Variants in DSCAM observed in about 807,000 individuals in gnomAD.
DSCAM encodes cell adhesion molecule DSCAM.
Under a neutral mutation model 217.7 loss-of-function variants are expected in DSCAM, and 47 were observed. The ratio of observed to expected loss-of-function variants is 0.22; its 90% confidence interval spans 0.17 to 0.28. The LOEUF (loss-of-function observed/expected upper bound fraction) is 0.28, where lower values mean the gene tolerates loss of function less well. DSCAM is among the 10% of genes least tolerant of loss of function. DSCAM has a pLI of 1.00. For synonymous variants in DSCAM, 1,056 were observed against 1,015.3 expected (o/e 1.04, Z -0.76); for missense variants, 2,080 against 2,618.3 (o/e 0.79, Z 4.49).
intron 19 of DSCAM, among the ~76,000 whole-genome samples, chr21:40,130,334 C>G (rs554405364): frequency 2.6e-5 from 4 of 152,248 alleles, no homozygotes; most frequent in South Asian, 2.1e-4. Context: ...GCCAGATCAC[C>G]AAGTCGTCCT....
chr21:40,340,493 A>C (rs2123596889), intron 6 of DSCAM, among the ~76,000 whole-genome samples: 1 of 152,368 alleles, frequency 6.6e-6, no homozygotes, highest in Admixed American at 6.5e-5. Context: ...TAGGTCAGCC[A>C]GCCTCAGGCA....
chr21:40,367,144 C>G (rs2074841884), intron 4 of DSCAM, among the ~76,000 whole-genome samples: 1 of 152,192 alleles, frequency 6.6e-6, no homozygotes, highest in Non-Finnish European at 1.5e-5. Flanking sequence ...TGTGACTCAT[C>G]TCCAACCTAG....
chr21:40,613,956 C>T (rs1299432604), intron 3 of DSCAM, among the ~76,000 whole-genome samples: 2 of 152,174 alleles, frequency 1.3e-5, no homozygotes, highest in South Asian at 2.1e-4. Flanking sequence ...GGGAGCAAAT[C>T]GTTATCCTTG....
chr21:40,471,847 GGTTT>G (rs1044766197), intron 3 of DSCAM, among the ~76,000 whole-genome samples: 16 of 152,166 alleles, frequency 1.1e-4, no homozygotes, highest in Admixed American at 3.9e-4. Flanking sequence ...ACAATGTGCA[GGTTT>G]GTTACATATG....
intron 1 of DSCAM, among the ~76,000 whole-genome samples, chr21:40,752,612 A>G (rs1011998929): frequency 6.6e-6 from 1 of 152,176 alleles, no homozygotes; most frequent in South Asian, 2.1e-4. Flanking sequence ...ACCTGAGCCC[A>G]GGAGTTTGAG....
In DSCAM at chr21:40,845,054, C is replaced by T. The variant is rs574107801; in HGVS notation, c.43+1565G>A. ...CGCATTAGCAGAAGAGCAGAAAGGG[C>T]TGACTTCCCCGACACATCTCCGCAT... On this transcript the variant is annotated intron_variant, in intron 1 of 32. Transcript: ENST00000400454. Among the ~76,000 whole-genome samples, 202 of 152,312 alleles carry T rather than the reference C, an allele frequency of 1.3e-3. 2 individuals carry two copies. The highest frequency in any genetic ancestry group is 4.4e-3 in the African/African-American group (183 of 41,566).
In DSCAM at chr21:40,502,982, C is replaced by T. The variant is rs141063493; in HGVS notation, c.509-133737G>A. ...TCCATGAGTTTGCCAGAGAGCTCTA[C>T]GGCACACAGCAGGTTAAGAACGTCT... On this transcript the variant is annotated intron_variant, in intron 3 of 32. Coordinates refer to ENST00000400454, the MANE Select transcript of DSCAM (RefSeq NM_001389.5). 1.4e-3 allele frequency among the ~76,000 whole-genome samples: 213 copies of T among 152,246 alleles called. 2 individuals carry two copies. The highest frequency in any genetic ancestry group is 2.4e-3 in the Non-Finnish European group (160 of 68,014).
chr21:40,069,275 C>T (rs552177451), intron 27 of DSCAM, among the ~76,000 whole-genome samples: 72 of 152,186 alleles, frequency 4.7e-4, no homozygotes, highest in African/African-American at 1.3e-3. Context: ...ATGGTTAGAT[C>T]GAGTTTTGGG....
intron 20 of DSCAM, among the ~76,000 whole-genome samples, chr21:40,116,360 AAAAAGAT>A (rs550626741): frequency 6.4e-4 from 98 of 152,366 alleles, no homozygotes; most frequent in African/African-American, 2.3e-3. Context: ...GCCGTGAAAT[AAAAAGAT>A]ATTTCCAAGA....
At chr21:40,742,343 A>G (rs2091132391) in intron 1 of DSCAM, among the ~76,000 whole-genome samples, 1 of 152,164 alleles carries the variant, frequency 6.6e-6, no homozygotes, top group African/African-American at 2.4e-5. Context: ...TGATTTTTGT[A>G]TCCTGCAACT....
chr21:40,436,490 C>T (rs1409998759), intron 3 of DSCAM, among the ~76,000 whole-genome samples: 1 of 152,124 alleles, frequency 6.6e-6, no homozygotes, highest in Non-Finnish European at 1.5e-5. Flanking sequence ...TGTGCACATA[C>T]ATTTAGATTA....
At chr21:40,097,690 C>T (rs752840295) in intron 20 of DSCAM, among the ~76,000 whole-genome samples, 3 of 151,688 alleles carry the variant, frequency 2.0e-5, no homozygotes, top group Non-Finnish European at 2.9e-5. Flanking sequence ...GCCTGTAATC[C>T]CAGCACTGTG....
intron 3 of DSCAM, among the ~76,000 whole-genome samples, chr21:40,545,718 C>CA (rs1477989328): frequency 6.6e-6 from 1 of 152,176 alleles, no homozygotes; most frequent in African/African-American, 2.4e-5. Flanking sequence ...ATTGAGCTGG[C>CA]ACCAGCAATG....
At chr21:40,104,668 C>A (rs563915881) in intron 20 of DSCAM, among the ~76,000 whole-genome samples, 6 of 152,112 alleles carry the variant, frequency 3.9e-5, no homozygotes, top group African/African-American at 1.4e-4. Context: ...ATGTACAACC[C>A]CAAGAGTAAG....
intron 32 of DSCAM, among the ~76,000 whole-genome samples, chr21:40,029,206 G>T (rs1484910451): frequency 6.6e-6 from 1 of 152,108 alleles, no homozygotes; most frequent in Non-Finnish European, 1.5e-5. Context: ...TTGGATTACT[G>T]CTTCTTCTTC....
intron 3 of DSCAM, among the ~76,000 whole-genome samples, chr21:40,569,859 A>G (rs1159293254): frequency 6.6e-6 from 1 of 152,118 alleles, no homozygotes; most frequent in Admixed American, 6.5e-5. Context: ...AGAGCAAAAT[A>G]TAAATTTAAA....
chr21:40,031,408 A>G (rs760743186), intron 32 of DSCAM, among the ~76,000 whole-genome samples: 6 of 152,062 alleles, frequency 3.9e-5, no homozygotes, highest in Non-Finnish European at 8.8e-5. Context: ...TTGAATCCCT[A>G]CTGATTGAAT....
At chr21:40,130,957 G>A (rs994205128) in intron 19 of DSCAM, among the ~76,000 whole-genome samples, 1 of 152,206 alleles carries the variant, frequency 6.6e-6, no homozygotes. Context: ...TGAATCGGAT[G>A]CTCGCTGTTA....
chr21:40,042,241 T>G (rs993203422), intron 32 of DSCAM, 130 bp downstream of exon 32: 1 of 942,600 alleles, frequency 1.1e-6, no homozygotes, highest in East Asian at 2.6e-5. Context: ...GGATGGTTTG[T>G]TATGCAGCCA....
Sources: allele counts gnomAD v4.1 joint callset (sites outside exome capture counted in the v4.1 genomes callset), GRCh38; gene constraint gnomAD v4.1.1; transcripts MANE v1.5; gene names NCBI Gene and HGNC (gene_info 2026-07-23, HGNC 2026-07-21).